IL1RAPL1: variants seen among roughly 807,000 people sequenced by gnomAD.
IL1RAPL1 encodes the protein interleukin-1 receptor accessory protein-like 1.
IL1RAPL1 carries 3 observed loss-of-function variants against 48.4 expected under a neutral mutation model. That is an observed-to-expected ratio of 0.06 (90% confidence interval 0.03 to 0.16). The LOEUF (loss-of-function observed/expected upper bound fraction) is 0.16, where lower values mean the gene tolerates loss of function less well. Among genes scored for constraint, IL1RAPL1 ranks in the 10% least tolerant of loss-of-function variants. IL1RAPL1 has a pLI of 1.00. For missense variants in IL1RAPL1, 349 were observed against 530.6 expected, an observed-to-expected ratio of 0.66 and a Z score of 3.36; for synonymous variants, 185 against 187.7, an observed-to-expected ratio of 0.99 and a Z score of 0.12.
intron 5 of IL1RAPL1, among the ~76,000 whole-genome samples, chrX:29,442,473 TG>T (rs1934558802): frequency 9.0e-6 from 1 of 111,384 alleles, no homozygotes; most frequent in African/African-American, 3.3e-5. Flanking sequence ...TGTAACCAAA[TG>T]CCACCTGTAC....
Position 29,648,165 on chromosome X carries a change from C to G in IL1RAPL1, c.704-20265C>G, listed in dbSNP as rs1006322855. ...ATATACAAAGAAAATAGTAATAGAT[C>G]TGAAAGGAGAGAAAGACTGCAATAC... On this transcript the variant is annotated intron_variant, in intron 5 of 10. Coordinates refer to ENST00000378993, the MANE Select transcript of IL1RAPL1 (RefSeq NM_014271.4). 3.6e-5 allele frequency among the ~76,000 whole-genome samples: 4 copies of G among 111,395 alleles called. No individual in the cohort carries two copies. In the Admixed American group the frequency reaches 3.8e-4, roughly 11 times the overall value.
intron 2 of IL1RAPL1, among the ~76,000 whole-genome samples, chrX:28,985,732 T>TC (rs1925453263): frequency 9.6e-6 from 1 of 104,433 alleles, no homozygotes; most frequent in African/African-American, 3.6e-5. Flanking sequence ...CGATCTCGGC[T>TC]CACTACAAGC....
At chrX:29,541,506 A>T (rs1220203073) in intron 5 of IL1RAPL1, among the ~76,000 whole-genome samples, 1 of 111,924 alleles carries the variant, frequency 8.9e-6, no homozygotes, top group Non-Finnish European at 1.9e-5. Context: ...CACTATTGGT[A>T]ATAGCAAAGA....
intron 3 of IL1RAPL1, among the ~76,000 whole-genome samples, chrX:29,340,839 C>T (rs898565083): frequency 3.6e-5 from 4 of 112,079 alleles, no homozygotes; most frequent in Non-Finnish European, 7.5e-5. Flanking sequence ...AGCTGCCATA[C>T]CAGCCCTGTA....
chrX:29,263,788 C>G (rs1480143743), intron 2 of IL1RAPL1, among the ~76,000 whole-genome samples: 2 of 109,525 alleles, frequency 1.8e-5, no homozygotes, highest in African/African-American at 6.7e-5. Context: ...AATTGGCTCA[C>G]CAGTATTAAT....
intron 6 of IL1RAPL1, among the ~76,000 whole-genome samples, chrX:29,914,405 T>C (rs1932781924): frequency 9.0e-6 from 1 of 111,719 alleles, no homozygotes; most frequent in African/African-American, 3.3e-5. Flanking sequence ...GAATGTCAGA[T>C]TCCTTATTTA....
intron 5 of IL1RAPL1, among the ~76,000 whole-genome samples, chrX:29,632,029 T>G (rs1160095366): frequency 8.9e-6 from 1 of 111,896 alleles, no homozygotes; most frequent in Non-Finnish European, 1.9e-5. Flanking sequence ...CTTTCTCACC[T>G]TACTGTGACT....
intron 2 of IL1RAPL1, among the ~76,000 whole-genome samples, chrX:29,236,368 C>T (rs970810882): frequency 9.1e-5 from 10 of 110,447 alleles, no homozygotes; most frequent in African/African-American, 2.3e-4. Context: ...AGATCTTTAG[C>T]GAGAAAATTG....
chrX:29,663,112 A>C (rs1925897065), intron 5 of IL1RAPL1, among the ~76,000 whole-genome samples: 1 of 112,416 alleles, frequency 8.9e-6, no homozygotes, highest in East Asian at 2.8e-4. Flanking sequence ...ATGTTTAAAC[A>C]TTCCAGGCCA....
At chrX:29,188,375 A>G (rs1930291537) in intron 2 of IL1RAPL1, among the ~76,000 whole-genome samples, 1 of 111,562 alleles carries the variant, frequency 9.0e-6, no homozygotes, top group African/African-American at 3.3e-5. Context: ...GTAATAATTT[A>G]AGTTGATCTG....
chrX:29,803,254 C>CACATGTATATATGTATACATGTAT (rs1930105867), intron 6 of IL1RAPL1, among the ~76,000 whole-genome samples: 1 of 29,553 alleles, frequency 3.4e-5, no homozygotes, highest in Admixed American at 2.9e-4. Context: ...TATACATATA[C>CACATGTATATATGTATACATGTAT]ACACATGTAT....
intron 6 of IL1RAPL1, among the ~76,000 whole-genome samples, chrX:29,819,640 C>T (rs938546641): frequency 1.8e-5 from 2 of 109,792 alleles, no homozygotes; most frequent in African/African-American, 6.6e-5. Flanking sequence ...ACATACAACG[C>T]ACATACCAAC....
intron 6 of IL1RAPL1, among the ~76,000 whole-genome samples, chrX:29,738,450 C>CTTTTTTTT (rs59952038): frequency 7.1e-4 from 61 of 86,115 alleles, no homozygotes; most frequent in African/African-American, 2.7e-3. Flanking sequence ...CTTTTCTTTT[C>CTTTTTTTT]TTTTTTTTTT....
intron 5 of IL1RAPL1, among the ~76,000 whole-genome samples, chrX:29,419,261 G>T (rs1275161203): frequency 1.8e-5 from 2 of 111,380 alleles, no homozygotes; most frequent in Non-Finnish European, 3.8e-5. Flanking sequence ...TATACGTAAT[G>T]ACATATACTT....
intron 1 of IL1RAPL1, among the ~76,000 whole-genome samples, chrX:28,656,798 G>A (rs1213341486): frequency 2.7e-5 from 3 of 110,263 alleles, no homozygotes; most frequent in East Asian, 2.9e-4. Context: ...AGGCCTAGGC[G>A]GGAGGATCAC....
At chrX:29,514,454 T>C (rs914581492) in intron 5 of IL1RAPL1, among the ~76,000 whole-genome samples, 3 of 112,465 alleles carry the variant, frequency 2.7e-5, no homozygotes, top group Non-Finnish European at 5.6e-5. Flanking sequence ...AGTTGTATTG[T>C]TTTGTTTTGT....
At chrX:29,131,762 C>T (rs1278536817) in intron 2 of IL1RAPL1, among the ~76,000 whole-genome samples, 1 of 111,450 alleles carries the variant, frequency 9.0e-6, no homozygotes, top group East Asian at 2.8e-4. Context: ...GTTTGAGAAC[C>T]ACTGCTCTAG....
At chrX:29,599,183 G>A (rs957585112) in intron 5 of IL1RAPL1, among the ~76,000 whole-genome samples, 3 of 112,039 alleles carry the variant, frequency 2.7e-5, no homozygotes, top group African/African-American at 6.5e-5. Flanking sequence ...AAGATTCAGA[G>A]CTCCTTTTAG....
At chrX:29,108,943 C>T (rs779875318) in intron 2 of IL1RAPL1, among the ~76,000 whole-genome samples, 1 of 110,895 alleles carries the variant, frequency 9.0e-6, no homozygotes, top group Non-Finnish European at 1.9e-5. Context: ...GACCAGTTTT[C>T]CAGAGTAAGA....
Sources: gnomAD v4.1 joint callset for allele counts (sites outside exome capture counted in the v4.1 genomes callset) on GRCh38, gnomAD v4.1.1 for gene constraint, MANE v1.5 for transcripts, NCBI Gene and HGNC (gene_info 2026-07-23, HGNC 2026-07-21) for gene names.